The following ROBO2 variants were observed in gnomAD, a reference collection of about 807,000 sequenced individuals.
ROBO2 encodes roundabout homolog 2.
A neutral mutation model predicts 160.8 loss-of-function variants in ROBO2; 53 were observed. The observed-to-expected ratio is 0.33, with a 90% confidence interval of 0.26 to 0.41. The LOEUF is 0.41. Among genes scored for constraint, ROBO2 ranks in the 10% least tolerant of loss-of-function variants. The probability of loss-of-function intolerance (pLI) is 1.00; values close to 1 mark genes in which losing one functional copy is unlikely to be tolerated. For missense variants in ROBO2, 1,577 were observed against 1,722.4 expected (o/e 0.92, Z 1.49); for synonymous variants, 664 against 611.7 (o/e 1.09, Z -1.26).
chr3:76,844,595 T>A (rs2068610911), intron 2 of ROBO2, among the ~76,000 whole-genome samples: 1 of 151,954 alleles, frequency 6.6e-6, no homozygotes, highest in Admixed American at 6.6e-5. Context: ...CACTGGCCCA[T>A]CAAAGCTTAA....
In ROBO2 at chr3:76,400,643, T is replaced by G. The variant is rs1262210884; in HGVS notation, c.109+463041T>G. Among the ~76,000 whole-genome samples, 3 of 151,614 alleles carry G rather than the reference T, an allele frequency of 2.0e-5. No homozygotes were observed. The Admixed American group carries it at 2.0e-4, about 10-fold the overall frequency. ...AGCAAGATATCAGAAGGCTACATCA[T>G]CACACATCTGATACATATGTTTAAC... On this transcript the variant is annotated intron_variant, in intron 2 of 26. Coordinates refer to the ROBO2 transcript ENST00000487694.
At chr3:77,164,393 GGTC>G (rs2078765691) in intron 2 of ROBO2, among the ~76,000 whole-genome samples, 1 of 97,078 alleles carries the variant, frequency 1.0e-5, no homozygotes, top group Non-Finnish European at 2.8e-5. Flanking sequence ...GGAGGTGGGG[GGTC>G]AGCCCCCCGC....
At chr3:76,136,530 A>G (rs1054165840) in intron 2 of ROBO2, among the ~76,000 whole-genome samples, 4 of 152,108 alleles carry the variant, frequency 2.6e-5, no homozygotes, top group African/African-American at 9.7e-5. Flanking sequence ...AGAAATGTCT[A>G]AAATGTTGCC....
chr3:76,506,243 T>C (rs916021364), intron 2 of ROBO2, among the ~76,000 whole-genome samples: 2 of 152,194 alleles, frequency 1.3e-5, no homozygotes, highest in Admixed American at 1.3e-4. Context: ...AATTTATTAC[T>C]CATGATTCTG....
intron 2 of ROBO2, among the ~76,000 whole-genome samples, chr3:76,580,866 A>C (rs529721046): frequency 6.6e-6 from 1 of 152,286 alleles, no homozygotes; most frequent in Admixed American, 6.5e-5. Context: ...GATAAAAAAA[A>C]CTGGAGACCT....
intron 2 of ROBO2, among the ~76,000 whole-genome samples, chr3:77,223,483 T>A (rs1306347115): frequency 6.6e-6 from 1 of 152,126 alleles, no homozygotes; most frequent in African/African-American, 2.4e-5. Flanking sequence ...TAGACCCACA[T>A]TCCCCAAGAT....
chr3:77,609,548 T>C (rs900046064), intron 21 of ROBO2, among the ~76,000 whole-genome samples: 8 of 151,964 alleles, frequency 5.3e-5, no homozygotes, highest in East Asian at 1.9e-4. Context: ...GGGTTTTTTT[T>C]CCCATTGAGT....
At chr3:76,647,547 T>A (rs1320562072) in intron 2 of ROBO2, among the ~76,000 whole-genome samples, 1 of 152,158 alleles carries the variant, frequency 6.6e-6, no homozygotes, top group Non-Finnish European at 1.5e-5. Flanking sequence ...CTTTTAAAAA[T>A]CCCAAAATAC....
chr3:77,341,261 G>A (rs1186848852), intron 2 of ROBO2, among the ~76,000 whole-genome samples: 6 of 152,000 alleles, frequency 3.9e-5, no homozygotes, highest in Non-Finnish European at 8.8e-5. Context: ...CTCTTACTTT[G>A]GAGATTCTAT....
chr3:77,629,476 T>C (rs1010678335), intron 23 of ROBO2: 3 of 152,134 alleles, frequency 2.0e-5, no homozygotes, highest in Non-Finnish European at 4.4e-5. Context: ...AGAAAAATTT[T>C]AGAAAACAAA....
At chr3:77,536,416 C>G (rs777308302) in intron 6 of ROBO2, among the ~76,000 whole-genome samples, 1 of 151,846 alleles carries the variant, frequency 6.6e-6, no homozygotes, top group Non-Finnish European at 1.5e-5. Context: ...CTCTCTCCTT[C>G]TTTTCTTCTC....
intron 1 of ROBO2, among the ~76,000 whole-genome samples, chr3:75,913,300 T>A (rs1353070292): frequency 1.3e-5 from 2 of 152,198 alleles, no homozygotes; most frequent in Non-Finnish European, 2.9e-5. Flanking sequence ...TGTCTCAAGA[T>A]CCTTAACTTA....
At chr3:76,665,645 G>T (rs1488080332) in intron 2 of ROBO2, among the ~76,000 whole-genome samples, 1 of 150,886 alleles carries the variant, frequency 6.6e-6, no homozygotes, top group Non-Finnish European at 1.5e-5. Flanking sequence ...TCATATCTCA[G>T]CCTCTCCTAA....
intron 2 of ROBO2, among the ~76,000 whole-genome samples, chr3:76,249,189 T>G (rs970250774): frequency 7.2e-5 from 11 of 152,092 alleles, no homozygotes; most frequent in African/African-American, 2.7e-4. Flanking sequence ...AAAGCAAAGC[T>G]AAATGAGTTA....
chr3:76,777,784 T>C (rs2062373567), intron 2 of ROBO2, among the ~76,000 whole-genome samples: 1 of 151,032 alleles, frequency 6.6e-6, no homozygotes, highest in African/African-American at 2.4e-5. Context: ...GTTTAGTTAG[T>C]CTGGAGAAAA....
At chr3:76,827,106 G>A (rs5745844) in intron 2 of ROBO2, among the ~76,000 whole-genome samples, 8 of 152,208 alleles carry the variant, frequency 5.3e-5, no homozygotes, top group Middle Eastern at 3.4e-3. Flanking sequence ...CATTGGTATC[G>A]TTCAGAAATT....
chr3:76,086,565 A>G (rs1018223250), intron 2 of ROBO2, among the ~76,000 whole-genome samples: 3 of 152,178 alleles, frequency 2.0e-5, no homozygotes, highest in African/African-American at 7.2e-5. Context: ...CTCTACTGCA[A>G]TGCCTTACCA....
At chr3:77,549,116 C>T (rs2092815843) in intron 7 of ROBO2, among the ~76,000 whole-genome samples, 1 of 151,766 alleles carries the variant, frequency 6.6e-6, no homozygotes, top group African/African-American at 2.4e-5. Context: ...TGCTTGTAAT[C>T]CATTTTCTTT....
At chr3:76,928,394 T>C (rs534014655) in intron 2 of ROBO2, among the ~76,000 whole-genome samples, 97 of 152,288 alleles carry the variant, frequency 6.4e-4, no homozygotes, top group African/African-American at 2.0e-3. Context: ...TATGCATATA[T>C]GTATGTATAT....
Sources: allele counts gnomAD v4.1 joint callset (sites outside exome capture counted in the v4.1 genomes callset), GRCh38; gene constraint gnomAD v4.1.1; transcripts MANE v1.5; gene names NCBI Gene and HGNC (gene_info 2026-07-23, HGNC 2026-07-21).